Variants in VPS41 observed in about 807,000 individuals in gnomAD.
VPS41 encodes VPS41 subunit of HOPS complex.
Under a neutral mutation model 130.9 loss-of-function variants are expected in VPS41, and 85 were observed. The observed-to-expected ratio is 0.65, with a 90% CI of 0.55 to 0.78. The LOEUF is 0.78. VPS41 is among the 30% of genes least tolerant of loss of function. VPS41 has a pLI of 0.00. For synonymous variants in VPS41, 335 were observed against 332.9 expected, an observed-to-expected ratio of 1.01 and a Z score of -0.07; for missense variants, 874 against 1,018.7, an observed-to-expected ratio of 0.86 and a Z score of 1.93.
intron 4 of VPS41, among the ~76,000 whole-genome samples, chr7:38,860,839 G>A (rs1786092752): frequency 6.6e-6 from 1 of 151,748 alleles, no homozygotes; most frequent in Non-Finnish European, 1.5e-5. Context: ...AGTAGATTCT[G>A]CCAATGATCA....
At chr7:38,795,348 A>G in intron 9 of VPS41, 117 bp downstream of exon 9, 1 of 772,978 alleles carries the variant, frequency 1.3e-6, no homozygotes, top group African/African-American at 1.8e-5. Flanking sequence ...TCACGTCACA[A>G]TAACATCCAA....
At chr7:38,746,636 C>T (rs966118307) in intron 22 of VPS41, among the ~76,000 whole-genome samples, 8 of 152,140 alleles carry the variant, frequency 5.3e-5, no homozygotes, top group Non-Finnish European at 8.8e-5. Context: ...GCATCTGAAC[C>T]GGGTGCAGTA....
chr7:38,905,791 T>G (rs1177395876), intron 1 of VPS41, among the ~76,000 whole-genome samples: 1 of 152,188 alleles, frequency 6.6e-6, no homozygotes, highest in Admixed American at 6.5e-5. Flanking sequence ...GGGGTTTTTT[T>G]GTTGTTGTTG....
intron 2 of VPS41, among the ~76,000 whole-genome samples, chr7:38,881,209 G>T (rs1196004359): frequency 2.6e-5 from 4 of 152,158 alleles, no homozygotes; most frequent in South Asian, 2.1e-4. Flanking sequence ...CTGGAAGCTG[G>T]GGGGAGAATC....
At chr7:38,728,391 C>T (rs1292974093) in intron 27 of VPS41, 151 bp downstream of exon 27, 2 of 872,382 alleles carry the variant, frequency 2.3e-6, no homozygotes, top group East Asian at 5.2e-5. Context: ...CAGCATTCCA[C>T]TGAGCAGGAT....
intron 2 of VPS41, among the ~76,000 whole-genome samples, chr7:38,888,508 G>A (rs931822830): frequency 2.0e-5 from 3 of 152,142 alleles, no homozygotes; most frequent in East Asian, 3.8e-4. Flanking sequence ...CAATACAGGA[G>A]CACCCAGATT....
intron 5 of VPS41, among the ~76,000 whole-genome samples, chr7:38,825,450 C>T (rs978464152): frequency 2.6e-5 from 4 of 152,136 alleles, no homozygotes; most frequent in African/African-American, 7.2e-5. Flanking sequence ...TTTATTTCCC[C>T]TCTCTCTCCC....
intron 2 of VPS41, among the ~76,000 whole-genome samples, chr7:38,874,079 G>A (rs1277893795): frequency 6.6e-6 from 1 of 152,186 alleles, no homozygotes. Context: ...GATTTTTTCA[G>A]TGTTTACAAC....
At chr7:38,908,991 G>A (rs1475891417) in intron 1 of VPS41, among the ~76,000 whole-genome samples, 163 bp downstream of exon 1, 1 of 152,120 alleles carries the variant, frequency 6.6e-6, no homozygotes, top group East Asian at 1.9e-4. Flanking sequence ...CATCCTCTCT[G>A]CTCCCCGAAA....
chr7:38,748,250 T>C (rs1172803007), intron 22 of VPS41, among the ~76,000 whole-genome samples: 2 of 152,084 alleles, frequency 1.3e-5, no homozygotes. Flanking sequence ...GACAATGCAG[T>C]GAAAATAGAA....
intron 25 of VPS41, among the ~76,000 whole-genome samples, chr7:38,733,014 G>T (rs1795698399): frequency 6.6e-6 from 1 of 152,116 alleles, no homozygotes; most frequent in Non-Finnish European, 1.5e-5. Flanking sequence ...TTTTAGTACA[G>T]ACAGGTTTTC....
intron 19 of VPS41, 25 bp from the exon 20 acceptor site, chr7:38,754,961 G>A: frequency 6.2e-7 from 1 of 1,610,380 alleles, no homozygotes; most frequent in Non-Finnish European, 8.5e-7. Flanking sequence ...AAAAGCCACA[G>A]TCAATGAAAT....
chr7:38,773,982 G>A, intron 12 of VPS41, 133 bp downstream of exon 12: 1 of 839,530 alleles, frequency 1.2e-6, no homozygotes, highest in Non-Finnish European at 1.7e-6. Context: ...CTTGTTTTCA[G>A]CACACACAGT....
In VPS41 at chr7:38,752,306, T is replaced by C. The variant is rs138548215; in HGVS notation, c.1796A>G (p.His599Arg). The change falls in exon 22 of 29, where the codon CAT becomes CGT. Residue 599 changes from histidine to arginine, a missense_variant. His to Arg is a conservative substitution (Grantham distance 29). Transcript: ENST00000310301. Reference sequence around the variant, plus strand: ...ATGGTGGTCTCTCTTGAAAAGCTTATGCAAATACTAAAAGGAACAAAAGAT... The same window carrying C: ...ATGGTGGTCTCTCTTGAAAAGCTTACGCAAATACTAAAAGGAACAAAAGAT... ...DRPELQHVYL[H>R]KLFKRDHHKG... 8 of 1,613,600 alleles carry C rather than the reference T, an allele frequency of 5.0e-6. No homozygotes were observed. The highest frequency in any genetic ancestry group is 1.3e-5 in the African/African-American group (1 of 74,860).
chr7:38,835,178 T>C (rs1785468795), intron 4 of VPS41, among the ~76,000 whole-genome samples: 2 of 151,970 alleles, frequency 1.3e-5, no homozygotes, highest in African/African-American at 4.8e-5. Flanking sequence ...TTATCAGGTG[T>C]TTATCAGCTG....
At position 38,817,868 on chromosome 7, in the gene VPS41, G is replaced by A. The variant is rs777397391; in HGVS notation, c.399C>T (p.His133=). ...FDCPIKIIAV[H]PHFVRSSCKQ... is the part of the protein sequence containing the mutation. ...TGCAACTGGATCTCACGAAATGTGG[G>A]TGCACAGCAATAATCTACAAGAGAA... Residue 133 remains histidine, a synonymous_variant, in exon 7 of 29, where the codon CAC becomes CAT. Coordinates refer to ENST00000310301, the MANE Select transcript of VPS41 (RefSeq NM_014396.4). 4 of 1,613,918 alleles carry A rather than the reference G, an allele frequency of 2.5e-6. No individual in the cohort carries two copies. The African/African-American group carries it at 4.0e-5, about 16-fold the overall frequency.
intron 2 of VPS41, among the ~76,000 whole-genome samples, chr7:38,875,404 A>G (rs1227185370): frequency 6.6e-6 from 1 of 152,192 alleles, no homozygotes; most frequent in Non-Finnish European, 1.5e-5. Flanking sequence ...AAATGAATCA[A>G]AAAGTCTTCA....
chr7:38,906,580 C>T (rs1028950074), intron 1 of VPS41, among the ~76,000 whole-genome samples: 2 of 152,116 alleles, frequency 1.3e-5, no homozygotes, highest in Non-Finnish European at 2.9e-5. Context: ...CTCAAACAAT[C>T]GCCCCACCTT....
chr7:38,870,821 GT>G (rs199592651), intron 2 of VPS41, among the ~76,000 whole-genome samples: 10,888 of 78,406 alleles, frequency 0.14, 458 homozygotes, highest in Middle Eastern at 0.21. Flanking sequence ...ATTCTAATCT[GT>G]TAAAAAAAAA....
Sources: allele counts gnomAD v4.1 joint callset (sites outside exome capture counted in the v4.1 genomes callset), GRCh38; gene constraint gnomAD v4.1.1; transcripts MANE v1.5; gene names NCBI Gene and HGNC (gene_info 2026-07-23, HGNC 2026-07-21).